FAM219A: variants seen among roughly 807,000 people sequenced by gnomAD.
FAM219A encodes family with sequence similarity 219 member A, also known as protein FAM219A.
FAM219A carries 7 observed loss-of-function variants against 23.4 expected under a neutral mutation model. The ratio of observed to expected loss-of-function variants is 0.30; its 90% CI spans 0.17 to 0.56. FAM219A has a LOEUF of 0.56. Ranked by LOEUF, FAM219A falls within the 20% of genes least tolerant of loss-of-function variation. FAM219A has a pLI of 0.92. For synonymous variants in FAM219A, 93 were observed against 99.0 expected, an observed-to-expected ratio of 0.94 and a Z score of 0.36; for missense variants, 166 against 246.9, an observed-to-expected ratio of 0.67 and a Z score of 2.20.
intron 1 of FAM219A, among the ~76,000 whole-genome samples, chr9:34,433,913 G>A (rs559491220): frequency 3.7e-4 from 56 of 152,204 alleles, no homozygotes; most frequent in African/African-American, 1.1e-3. Context: ...TAAGAATGAA[G>A]TGGCCTCGGC....
At chr9:34,429,616 T>C (rs905856923) in intron 1 of FAM219A, among the ~76,000 whole-genome samples, 2 of 152,178 alleles carry the variant, frequency 1.3e-5, no homozygotes, top group African/African-American at 4.8e-5. Flanking sequence ...TTAACTCTTC[T>C]CTGCTTGTGG....
Position 34,398,767 on chromosome 9 carries a change from C to T in FAM219A, c.*2197G>A, listed in dbSNP as rs763771022. ...GTGGTGGTGGTAGTGGGAGGGCTGG[C>T]TCTGGGGTCCAGATGATGGGGGCAC... On this transcript the variant is annotated 3_prime_UTR_variant, in exon 6 of 6. Coordinates refer to ENST00000651358, the MANE Select transcript of FAM219A (RefSeq NM_001184940.2). The T allele has an allele frequency of 3.5e-5, 7 of 198,496 alleles. No homozygotes were observed. Among genetic ancestry groups the T allele is most frequent in the Middle Eastern group, 2.1e-3 (1 of 474 alleles). The allele number at this position is 198,496 out of a possible 1,614,324, so 12.3% of individuals were successfully genotyped here. A position where few individuals can be genotyped will look rare whatever the true frequency, so the allele number is the denominator to read the frequency against.
At chr9:34,439,979 G>T (rs138423158) in intron 1 of FAM219A, among the ~76,000 whole-genome samples, 1 of 152,282 alleles carries the variant, frequency 6.6e-6, no homozygotes, top group African/African-American at 2.4e-5. Flanking sequence ...TTCTGTGACC[G>T]CCCAGGAGAA....
At chr9:34,444,688 A>C (rs371034732) in intron 1 of FAM219A, among the ~76,000 whole-genome samples, 1 of 152,092 alleles carries the variant, frequency 6.6e-6, no homozygotes, top group Admixed American at 6.6e-5. Flanking sequence ...TCAGCTAGGG[A>C]CCCCTGCCCA....
intron 1 of FAM219A, 129 bp from the exon 2 acceptor site, chr9:34,406,093 G>T: frequency 1.0e-6 from 1 of 1,003,000 alleles, no homozygotes; most frequent in Non-Finnish European, 1.4e-6. Flanking sequence ...AGAGCAGGCA[G>T]GGCATTCAGG....
intron 1 of FAM219A, among the ~76,000 whole-genome samples, chr9:34,413,770 A>C (rs747144215): frequency 6.6e-6 from 1 of 152,206 alleles, no homozygotes; most frequent in Non-Finnish European, 1.5e-5. Context: ...TAATAGCAGG[A>C]GGCAGGATAG....
chr9:34,412,674 G>A (rs1337657158), intron 1 of FAM219A, among the ~76,000 whole-genome samples: 1 of 151,960 alleles, frequency 6.6e-6, no homozygotes, highest in Non-Finnish European at 1.5e-5. Flanking sequence ...GAAGGAGACT[G>A]GGTAGGAACA....
chr9:34,414,736 G>A (rs1288161714), intron 1 of FAM219A, among the ~76,000 whole-genome samples: 1 of 152,182 alleles, frequency 6.6e-6, no homozygotes, highest in Non-Finnish European at 1.5e-5. Context: ...CTACATTTAG[G>A]AGAGAAGGCA....
At chr9:34,451,041 A>G (rs1477687490) in intron 1 of FAM219A, among the ~76,000 whole-genome samples, 1 of 152,238 alleles carries the variant, frequency 6.6e-6, no homozygotes, top group Admixed American at 6.5e-5. Flanking sequence ...AATAACAATA[A>G]TAACAACAAA....
chr9:34,455,725 A>G (rs1823706481), intron 1 of FAM219A, among the ~76,000 whole-genome samples: 1 of 152,162 alleles, frequency 6.6e-6, no homozygotes, highest in African/African-American at 2.4e-5. Context: ...ACTCCTGAAG[A>G]AACATCACAC....
At chr9:34,443,741 C>T (rs1019267384) in intron 1 of FAM219A, among the ~76,000 whole-genome samples, 1 of 152,096 alleles carries the variant, frequency 6.6e-6, no homozygotes, top group Non-Finnish European at 1.5e-5. Context: ...CAGGCCCGTG[C>T]CCCCCACTGG....
chr9:34,432,601 G>A (rs1355589819), intron 1 of FAM219A, among the ~76,000 whole-genome samples: 2 of 151,824 alleles, frequency 1.3e-5, no homozygotes, highest in African/African-American at 2.4e-5. Flanking sequence ...TTCTCTCTTC[G>A]CATCTCATAT....
intron 1 of FAM219A, among the ~76,000 whole-genome samples, chr9:34,424,464 G>T (rs1227676406): frequency 6.6e-6 from 1 of 152,124 alleles, no homozygotes; most frequent in African/African-American, 2.4e-5. Context: ...TGGGCTGAAG[G>T]CAAGGGAGGC....
chr9:34,416,249 AAGAAAGAAAG>A (rs1822014551), intron 1 of FAM219A, among the ~76,000 whole-genome samples: 1 of 99,128 alleles, frequency 1.0e-5, no homozygotes, highest in African/African-American at 3.9e-5. Flanking sequence ...GAAAGAAAGA[AAGAAAGAAAG>A]GGGGAGGGAG....
intron 1 of FAM219A, among the ~76,000 whole-genome samples, chr9:34,443,746 C>A (rs1318979252): frequency 1.3e-5 from 2 of 152,146 alleles, no homozygotes; most frequent in Admixed American, 6.5e-5. Flanking sequence ...CCGTGCCCCC[C>A]ACTGGCTTAT....
rs765139920 is a variant in FAM219A at position 34,458,220 on chromosome 9, G to A, written c.44C>T (p.Ser15Leu). 6.3e-7 allele frequency: 1 copy of A among 1,589,828 alleles called. No individual in the cohort carries two copies. The highest frequency in any genetic ancestry group is 2.3e-5 in the East Asian group (1 of 42,878). The change falls in exon 1 of 6, where the codon TCG becomes TTG. Residue 15 changes from serine to leucine, a missense_variant. Coordinates refer to ENST00000651358, the MANE Select transcript of FAM219A (RefSeq NM_001184940.2). The surrounding 1 kb of genome is among the most constrained non-coding windows in gnomAD (Gnocchi z 6.6). ...IDRFQVPTAH[S>L]EMQPLDPAAA... ...CCCCCTCACCAGCGGCTGCATCTCC[G>A]AGTGCGCGGTGGGCACCTGGAACCG...
chr9:34,450,373 G>A (rs977774156), intron 1 of FAM219A, among the ~76,000 whole-genome samples: 1 of 150,922 alleles, frequency 6.6e-6, no homozygotes, highest in Non-Finnish European at 1.5e-5. Context: ...TTTATGTGGT[G>A]AAATATATGT....
intron 1 of FAM219A, among the ~76,000 whole-genome samples, chr9:34,432,600 C>T (rs748526114): frequency 1.1e-4 from 16 of 152,258 alleles, no homozygotes; most frequent in African/African-American, 2.2e-4. Context: ...GTTCTCTCTT[C>T]GCATCTCATA....
At chr9:34,413,635 C>T (rs527806335) in intron 1 of FAM219A, among the ~76,000 whole-genome samples, 1 of 152,326 alleles carries the variant, frequency 6.6e-6, no homozygotes, top group South Asian at 2.1e-4. Flanking sequence ...AACCCTTCTT[C>T]ACAGAACACA....
Sources: allele counts gnomAD v4.1 joint callset (sites outside exome capture counted in the v4.1 genomes callset), GRCh38; gene constraint gnomAD v4.1.1; non-coding constraint Gnocchi (gnomAD v3.1); transcripts MANE v1.5; gene names NCBI Gene and HGNC (gene_info 2026-07-23, HGNC 2026-07-21).